MAF: variants seen among roughly 807,000 people sequenced by gnomAD.
MAF encodes MAF bZIP transcription factor.
Under a neutral mutation model 22.0 loss-of-function variants are expected in MAF, and 10 were observed. The ratio of observed to expected loss-of-function variants is 0.45; its 90% CI spans 0.28 to 0.77. The LOEUF is 0.77. MAF is among the 30% of genes least tolerant of loss of function. MAF has a pLI of 0.12. For synonymous variants in MAF, 337 were observed against 255.8 expected, an observed-to-expected ratio of 1.32 and a Z score of -3.03; for missense variants, 544 against 548.4, an observed-to-expected ratio of 0.99 and a Z score of 0.08.
the MAF span, among the ~76,000 whole-genome samples, chr16:79,307,540 C>A: frequency 6.6e-6 from 1 of 152,150 alleles, no homozygotes; most frequent in Non-Finnish European, 1.5e-5. Flanking sequence ...ATCACATGCC[C>A]CCGACATGAT....
At chr16:79,429,386 T>C in the MAF span, among the ~76,000 whole-genome samples, 1 of 152,102 alleles carries the variant, frequency 6.6e-6, no homozygotes, top group Admixed American at 6.5e-5. Flanking sequence ...GCCTCCTCTT[T>C]CTCTCTCTGC....
At chr16:79,206,428 C>T in the MAF span, 1 of 152,228 alleles carries the variant, frequency 6.6e-6, no homozygotes, top group Non-Finnish European at 1.5e-5. Flanking sequence ...TGCTTTTGAT[C>T]TCTGATATCA....
chr16:79,401,155 C>G, the MAF span, among the ~76,000 whole-genome samples: 4 of 152,216 alleles, frequency 2.6e-5, no homozygotes, highest in African/African-American at 9.6e-5. Context: ...GGTCCTCACT[C>G]CTGATCAGAG....
chr16:79,474,622 G>A, the MAF span, among the ~76,000 whole-genome samples: 509 of 152,262 alleles, frequency 3.3e-3, 2 homozygotes, highest in African/African-American at 0.012. Context: ...AAATCACAGC[G>A]TTGGAATCTG....
chr16:79,391,631 G>T, the MAF span, among the ~76,000 whole-genome samples: 2 of 152,298 alleles, frequency 1.3e-5, no homozygotes, highest in Non-Finnish European at 2.9e-5. Flanking sequence ...TATGAGTTCA[G>T]GTCCCCCCGG....
At chr16:79,410,828 G>C in the MAF span, among the ~76,000 whole-genome samples, 48 of 152,310 alleles carry the variant, frequency 3.2e-4, no homozygotes, top group African/African-American at 1.1e-3. Flanking sequence ...GTAGGGGCTG[G>C]GGTTTGGGTG....
the MAF span, among the ~76,000 whole-genome samples, chr16:79,374,768 C>G: frequency 6.6e-6 from 1 of 152,196 alleles, no homozygotes; most frequent in Non-Finnish European, 1.5e-5. Flanking sequence ...TTTATTTTCT[C>G]TCTTTCTTCA....
At chr16:79,591,052 G>A (rs1913162852), downstream of MAF, among the ~76,000 whole-genome samples, 1 of 152,102 alleles carries the variant, frequency 6.6e-6, no homozygotes, top group Admixed American at 6.5e-5. Context: ...AATCCTTGTT[G>A]GGGATTCTGG....
At chr16:79,470,136 A>T in the MAF span, among the ~76,000 whole-genome samples, 1 of 152,232 alleles carries the variant, frequency 6.6e-6, no homozygotes. Context: ...TTTTTCCGGG[A>T]TGTGCTTACA....
the MAF span, among the ~76,000 whole-genome samples, chr16:79,548,284 T>G: frequency 2.0e-5 from 3 of 152,230 alleles, no homozygotes; most frequent in Admixed American, 1.3e-4. Context: ...TAAATGTTCT[T>G]GATTGATGTC....
chr16:79,416,286 C>G, the MAF span, among the ~76,000 whole-genome samples: 39 of 152,270 alleles, frequency 2.6e-4, no homozygotes, highest in African/African-American at 8.9e-4. Flanking sequence ...TGAATTAGGT[C>G]ATCCCTTTCA....
chr16:79,598,139 A>T, intron 1 of MAF: 1 of 1,049,118 alleles, frequency 9.5e-7, no homozygotes, highest in Non-Finnish European at 1.2e-6. Flanking sequence ...CACATGAAGA[A>T]CTCAGGAGAA....
At chr16:79,457,349 C>T in the MAF span, among the ~76,000 whole-genome samples, 2 of 151,494 alleles carry the variant, frequency 1.3e-5, no homozygotes, top group South Asian at 4.2e-4. Context: ...ACAGCAGCAG[C>T]CCAAAGCCAG....
chr16:79,342,968 C>G, the MAF span, among the ~76,000 whole-genome samples: 9 of 152,226 alleles, frequency 5.9e-5, no homozygotes, highest in South Asian at 8.3e-4. Flanking sequence ...CAAATCTTCT[C>G]TGGTAGTTTT....
At chr16:79,377,414 A>G in the MAF span, among the ~76,000 whole-genome samples, 1 of 152,122 alleles carries the variant, frequency 6.6e-6, no homozygotes, top group Admixed American at 6.5e-5. Flanking sequence ...TTCATTGTAG[A>G]TTCTGGATAT....
the MAF span, among the ~76,000 whole-genome samples, chr16:79,538,458 A>C: frequency 6.6e-6 from 1 of 152,230 alleles, no homozygotes; most frequent in Admixed American, 6.5e-5. Context: ...AAAAATGAAG[A>C]AAGTATGGGG....
the MAF span, among the ~76,000 whole-genome samples, chr16:79,574,451 T>TA: frequency 6.6e-6 from 1 of 152,208 alleles, no homozygotes; most frequent in Admixed American, 6.5e-5. Context: ...AGAATGTTTT[T>TA]AAAAACACCA....
the MAF span, among the ~76,000 whole-genome samples, chr16:79,223,200 G>C: frequency 6.6e-6 from 1 of 152,144 alleles, no homozygotes; most frequent in African/African-American, 2.4e-5. Flanking sequence ...TAGAACTCAG[G>C]ATTAAGAAAC....
At chr16:79,251,397 C>A in the MAF span, among the ~76,000 whole-genome samples, 1 of 148,790 alleles carries the variant, frequency 6.7e-6, no homozygotes, top group Non-Finnish European at 1.5e-5. Flanking sequence ...CTCACTGCAA[C>A]CTCTGCCTCT....
Sources: gnomAD v4.1 joint callset for allele counts (sites outside exome capture counted in the v4.1 genomes callset) on GRCh38, gnomAD v4.1.1 for gene constraint, MANE v1.5 for transcripts, NCBI Gene and HGNC (gene_info 2026-07-23, HGNC 2026-07-21) for gene names.